IL7R: variants seen among roughly 807,000 people sequenced by gnomAD.
IL7R encodes the protein interleukin 7 receptor, also known as interleukin-7 receptor subunit alpha.
IL7R carries 38 observed loss-of-function variants against 47.0 expected under a neutral mutation model. That is an observed-to-expected ratio of 0.81 (90% CI 0.62 to 1.06). IL7R has a LOEUF of 1.06. Ranked by LOEUF, IL7R falls within the 50% of genes least tolerant of loss-of-function variation. The pLI, the probability that IL7R is intolerant of heterozygous loss-of-function variation, is 0.00. For missense variants in IL7R, 633 were observed against 534.8 expected (o/e 1.18, Z -1.81); for synonymous variants, 221 against 199.8 (o/e 1.11, Z -0.89).
At chr5:35,873,906 TG>T (rs879513385) in intron 5 of IL7R, among the ~76,000 whole-genome samples, 6 of 152,308 alleles carry the variant, frequency 3.9e-5, no homozygotes, top group Non-Finnish European at 8.8e-5. Context: ...CCATACATTT[TG>T]AACAAAATCC....
chr5:35,873,309 C>T (rs1760118939), intron 4 of IL7R, 171 bp from the exon 5 acceptor site: 1 of 667,176 alleles, frequency 1.5e-6, no homozygotes, highest in Non-Finnish European at 2.7e-6. Context: ...AGATTCTGTC[C>T]CTAATTTTGC....
chr5:35,861,316 G>A (rs760464858), intron 2 of IL7R, among the ~76,000 whole-genome samples: 8 of 152,058 alleles, frequency 5.3e-5, no homozygotes, highest in Non-Finnish European at 1.0e-4. Flanking sequence ...TGCCCAACAC[G>A]AGACAATCCA....
At chr5:35,867,219 A>G in intron 2 of IL7R, 87 bp from the exon 3 acceptor site, 1 of 1,223,508 alleles carries the variant, frequency 8.2e-7, no homozygotes, top group Non-Finnish European at 1.2e-6. Context: ...TTAAAGTCAA[A>G]CATACATCAA....
Position 35,879,281 on chromosome 5 carries a change from G to A in IL7R, c.*2795G>A, listed in dbSNP as rs1760292803. ...GTGGTTTCCATGGGAATTTGCTTCA[G>A]AAAAGCCAAGTATGGGCTGTTCAGA... On this transcript the variant is annotated 3_prime_UTR_variant, in exon 8 of 8. Coordinates refer to ENST00000303115, the MANE Select transcript of IL7R (RefSeq NM_002185.5). 1 of 232,750 alleles carries A rather than the reference G, an allele frequency of 4.3e-6. No homozygotes were observed. The highest frequency in any genetic ancestry group is 2.2e-5 in the African/African-American group (1 of 45,318). 14.4% of individuals were successfully genotyped at this position (232,750 alleles called of 1,614,324 possible). A position where few individuals can be genotyped will look rare whatever the true frequency, so the allele number is the denominator to read the frequency against.
chr5:35,857,744 G>A (rs914047658), intron 1 of IL7R, among the ~76,000 whole-genome samples: 16 of 151,974 alleles, frequency 1.1e-4, no homozygotes, highest in Middle Eastern at 3.2e-3. Flanking sequence ...ACTTAGTACC[G>A]AGAAGCCAAC....
intron 4 of IL7R, 128 bp downstream of exon 4, chr5:35,871,341 A>G (rs1037925725): frequency 1.7e-5 from 12 of 704,584 alleles, no homozygotes; most frequent in Admixed American, 1.6e-4. Context: ...TACTGAAAGA[A>G]TCTCCCAATA....
At position 35,875,822 on chromosome 5, in the gene IL7R, G is replaced by A. The variant is rs1028258326; in HGVS notation, c.877-161G>A. 6.9e-6 allele frequency: 6 copies of A among 864,140 alleles called. No homozygotes were observed. The African/African-American group carries it at 8.4e-5, about 12-fold the overall frequency. 53.5% of individuals were successfully genotyped at this position (864,140 alleles called of 1,614,324 possible). A position where few individuals can be genotyped will look rare whatever the true frequency, so the allele number is the denominator to read the frequency against. ...GCCAGTGGTCACTTCAAGTCTTGAA[G>A]TGTCTCAGAAGCTCCAGAAGCAAAG... is the stretch of plus-strand genomic sequence containing the variant. On this transcript the variant is annotated intron_variant, in intron 7 of 7. Transcript: ENST00000303115.
chr5:35,873,929 G>A (rs749289418), intron 5 of IL7R, among the ~76,000 whole-genome samples: 1 of 152,056 alleles, frequency 6.6e-6, no homozygotes, highest in Non-Finnish European at 1.5e-5. Flanking sequence ...CACCCACTAC[G>A]TCCAGTTAAC....
Position 35,871,041 on chromosome 5 carries a change from C to A in IL7R, c.380-15C>A, listed in dbSNP as rs2149901519. ...GCTGCCCTTTAGACAGAATTTATTT[C>A]TTTTTCTTTTCCAGTTAAACCTGAG... is the stretch of plus-strand genomic sequence containing the variant. On this transcript the variant is annotated splice_polypyrimidine_tract_variant and intron_variant, in intron 3 of 7. Coordinates refer to ENST00000303115, the MANE Select transcript of IL7R (RefSeq NM_002185.5). The A allele has an allele frequency of 6.2e-7, 1 of 1,609,112 alleles. No homozygotes were observed. Among genetic ancestry groups the A allele is most frequent in the Non-Finnish European group, 8.5e-7 (1 of 1,175,516 alleles).
intron 1 of IL7R, among the ~76,000 whole-genome samples, chr5:35,858,577 A>T (rs1195199438): frequency 4.6e-5 from 7 of 152,232 alleles, no homozygotes; most frequent in African/African-American, 9.6e-5. Context: ...AGAATAATAG[A>T]TTAACTCATT....
chr5:35,876,725 C>A lies in IL7R; in HGVS notation c.*239C>A. 1 of 513,716 alleles carries A rather than the reference C, an allele frequency of 1.9e-6. No individual in the cohort carries two copies. The highest frequency in any genetic ancestry group is 3.5e-6 in the Non-Finnish European group (1 of 289,222). The allele number at this position is 513,716 out of a possible 1,614,324, so 31.8% of individuals were successfully genotyped here. A position where few individuals can be genotyped will look rare whatever the true frequency, so the allele number is the denominator to read the frequency against. On this transcript the variant is annotated 3_prime_UTR_variant, in exon 8 of 8. Transcript: ENST00000303115. ...ATTTGGTCACAAGGTTTAAGGTGAC[C>A]CAATGATTCAGCTATTTAAAAAAAA... is the stretch of plus-strand genomic sequence containing the variant.
intron 2 of IL7R, among the ~76,000 whole-genome samples, chr5:35,863,585 A>G (rs1759873683): frequency 1.3e-5 from 2 of 152,198 alleles, no homozygotes; most frequent in Non-Finnish European, 2.9e-5. Context: ...TACATCGGTT[A>G]ATGGAAAGAA....
At chr5:35,874,309 A>T in intron 5 of IL7R, 140 bp from the exon 6 acceptor site, 1 of 745,210 alleles carries the variant, frequency 1.3e-6, no homozygotes, top group South Asian at 1.4e-5. Context: ...TAAAGCTGTC[A>T]AATATGTCTC....
intron 2 of IL7R, among the ~76,000 whole-genome samples, chr5:35,864,618 C>T (rs1759894455): frequency 6.6e-6 from 1 of 152,014 alleles, no homozygotes; most frequent in African/African-American, 2.4e-5. Context: ...GGTCTTTTGC[C>T]TGTCTTCTTT....
chr5:35,863,475 T>G (rs1759869599), intron 2 of IL7R, among the ~76,000 whole-genome samples: 2 of 151,968 alleles, frequency 1.3e-5, no homozygotes, highest in South Asian at 4.1e-4. Flanking sequence ...CAGAGAAGAG[T>G]GTACACACAT....
At chr5:35,871,489 C>T (rs902886138) in intron 4 of IL7R, among the ~76,000 whole-genome samples, 3 of 152,246 alleles carry the variant, frequency 2.0e-5, no homozygotes, top group Admixed American at 6.5e-5. Context: ...CCAAATTAAT[C>T]CTCTGTATTC....
At chr5:35,861,420 T>A (rs1759813467) in intron 2 of IL7R, among the ~76,000 whole-genome samples, 1 of 152,190 alleles carries the variant, frequency 6.6e-6, no homozygotes, top group African/African-American at 2.4e-5. Flanking sequence ...AGTTATGTAA[T>A]GTATCTATGC....
Position 35,874,540 on chromosome 5 carries a change from A to C in IL7R, c.798A>C (p.Lys266Asn), listed in dbSNP as rs1300442475. 2 of 1,606,938 alleles carry C rather than the reference A, an allele frequency of 1.2e-6. No individual in the cohort carries two copies. The highest frequency in any genetic ancestry group is 8.5e-7 in the Non-Finnish European group (1 of 1,173,476). ...TCTTGGCCTGTGTGTTATGGAAAAA[A>C]AGGTGACCTTCTTCAACTAATAAAG... ...LVILACVLWK[K>N]RIKPIVWPSL... Residue 266 changes from lysine (K) to asparagine (N), a missense_variant and splice_region_variant, in exon 6 of 8, where the codon AAA (lysine) becomes AAC (asparagine). Transcript: ENST00000303115.
At chr5:35,872,899 GA>G (rs1166989767) in intron 4 of IL7R, among the ~76,000 whole-genome samples, 2 of 150,676 alleles carry the variant, frequency 1.3e-5, no homozygotes, top group Admixed American at 6.6e-5. Flanking sequence ...AAAAAATTGG[GA>G]AAAATCTCAT....
Sources: allele counts gnomAD v4.1 joint callset (sites outside exome capture counted in the v4.1 genomes callset), GRCh38; gene constraint gnomAD v4.1.1; transcripts MANE v1.5; gene names NCBI Gene and HGNC (gene_info 2026-07-23, HGNC 2026-07-21).